Variants in ULK4 observed in about 807,000 individuals in gnomAD.
The protein encoded by ULK4 is inactive serine/threonine-protein kinase ULK4.
In ULK4, 133 loss-of-function variants were observed where a neutral mutation model predicts 160.6. The observed-to-expected ratio is 0.83, with a 90% confidence interval of 0.72 to 0.96. The LOEUF (loss-of-function observed/expected upper bound fraction) is 0.96. ULK4 is among the 40% of genes least tolerant of loss of function. The pLI, the probability that ULK4 is intolerant of heterozygous loss-of-function variation, is 0.00. For synonymous variants in ULK4, 534 were observed against 539.8 expected (o/e 0.99, Z 0.15); for missense variants, 1,580 against 1,499.5 (o/e 1.05, Z -0.89).
intron 27 of ULK4, among the ~76,000 whole-genome samples, chr3:41,683,234 G>A (rs890940070): frequency 6.6e-6 from 1 of 152,012 alleles, no homozygotes; most frequent in South Asian, 2.1e-4. Flanking sequence ...CTGGCCTTAC[G>A]AGACCCAAAC....
intron 32 of ULK4, among the ~76,000 whole-genome samples, chr3:41,539,125 T>C (rs922603641): frequency 2.0e-4 from 30 of 151,696 alleles, no homozygotes; most frequent in African/African-American, 6.8e-4. Context: ...TCATCTGACA[T>C]ATTTATAGAA....
intron 9 of ULK4, among the ~76,000 whole-genome samples, chr3:41,912,145 T>C (rs1216157706): frequency 6.6e-6 from 1 of 151,936 alleles, no homozygotes; most frequent in African/African-American, 2.4e-5. Context: ...CTGGGCAACA[T>C]GGTGAAACCC....
At chr3:41,705,437 C>A in intron 25 of ULK4, 132 bp from the exon 26 acceptor site, 3 of 476,104 alleles carry the variant, frequency 6.3e-6, no homozygotes, top group Admixed American at 3.6e-5. Flanking sequence ...ATACTCTATA[C>A]ATATTATATT....
intron 12 of ULK4, among the ~76,000 whole-genome samples, chr3:41,902,373 T>A (rs1288240754): frequency 6.6e-6 from 1 of 151,450 alleles, no homozygotes; most frequent in Non-Finnish European, 1.5e-5. Flanking sequence ...AGGTCAGGAG[T>A]TCGAGACCAG....
At chr3:41,877,384 A>G (rs1697348701) in intron 17 of ULK4, among the ~76,000 whole-genome samples, 1 of 151,274 alleles carries the variant, frequency 6.6e-6, no homozygotes, top group Non-Finnish European at 1.5e-5. Context: ...CCTAGGCTGG[A>G]GCGCAGTGGT....
intron 30 of ULK4, among the ~76,000 whole-genome samples, chr3:41,662,090 T>A (rs1450885361): frequency 3.3e-5 from 5 of 152,110 alleles, no homozygotes; most frequent in African/African-American, 7.2e-5. Flanking sequence ...AGGAAATATA[T>A]AACTATCTGA....
At chr3:41,303,596 C>T (rs2079840822) in intron 35 of ULK4, among the ~76,000 whole-genome samples, 1 of 152,190 alleles carries the variant, frequency 6.6e-6, no homozygotes, top group Non-Finnish European at 1.5e-5. Flanking sequence ...TGAGTTTCTG[C>T]AGACATGTCC....
At chr3:41,736,784 T>A (rs988131373) in intron 22 of ULK4, among the ~76,000 whole-genome samples, 6 of 151,506 alleles carry the variant, frequency 4.0e-5, no homozygotes, top group African/African-American at 1.5e-4. Flanking sequence ...ATGTCCTGAA[T>A]GGTATTGCCT....
At chr3:41,535,591 G>C (rs555240006) in intron 32 of ULK4, among the ~76,000 whole-genome samples, 38 of 152,350 alleles carry the variant, frequency 2.5e-4, no homozygotes, top group African/African-American at 8.9e-4. Context: ...AAGATTTACA[G>C]TAGACTTCAT....
intron 27 of ULK4, among the ~76,000 whole-genome samples, chr3:41,685,896 C>T (rs2036087119): frequency 6.6e-6 from 1 of 152,060 alleles, no homozygotes; most frequent in South Asian, 2.1e-4. Flanking sequence ...GCCCAAGGAC[C>T]ATGGTCAGTA....
chr3:41,720,785 T>C (rs1176390212), intron 22 of ULK4, among the ~76,000 whole-genome samples: 2 of 152,200 alleles, frequency 1.3e-5, no homozygotes, highest in Non-Finnish European at 2.9e-5. Context: ...TTCATTGCTG[T>C]TGGAAATGTA....
At chr3:41,678,142 C>T (rs141722590) in intron 29 of ULK4, among the ~76,000 whole-genome samples, 391 of 151,350 alleles carry the variant, frequency 2.6e-3, no homozygotes, top group African/African-American at 9.0e-3. Context: ...TCTGTAATCA[C>T]GCGAGCCGGT....
chr3:41,645,694 G>C (rs2034455092), intron 30 of ULK4, among the ~76,000 whole-genome samples: 1 of 152,134 alleles, frequency 6.6e-6, no homozygotes, highest in Middle Eastern at 3.2e-3. Flanking sequence ...GAGTTCTGTA[G>C]ATGTCTATTA....
intron 31 of ULK4, among the ~76,000 whole-genome samples, chr3:41,566,653 T>C (rs1164079307): frequency 3.9e-5 from 6 of 152,212 alleles, no homozygotes; most frequent in Admixed American, 3.9e-4. Context: ...CATCATATAG[T>C]AGGCAGTAAC....
chr3:41,284,771 T>C (rs974810813), intron 35 of ULK4, among the ~76,000 whole-genome samples: 1 of 152,096 alleles, frequency 6.6e-6, no homozygotes, highest in South Asian at 2.1e-4. Context: ...TAAAGAGCTT[T>C]TGAACAGCAA....
intron 17 of ULK4, among the ~76,000 whole-genome samples, chr3:41,842,139 C>CAAAA (rs60925540): frequency 2.9e-5 from 2 of 68,780 alleles, no homozygotes; most frequent in East Asian, 4.1e-4. Flanking sequence ...TCAATAAATA[C>CAAAA]AAAAAAAAAA....
intron 35 of ULK4, among the ~76,000 whole-genome samples, chr3:41,276,400 G>C (rs530822118): frequency 6.6e-6 from 1 of 152,252 alleles, no homozygotes; most frequent in South Asian, 2.1e-4. Flanking sequence ...TCAAAGTTTT[G>C]GACTCTTCCT....
intron 32 of ULK4, among the ~76,000 whole-genome samples, chr3:41,561,360 A>G (rs2087562267): frequency 6.6e-6 from 1 of 152,188 alleles, no homozygotes; most frequent in African/African-American, 2.4e-5. Flanking sequence ...CTTTGGTATC[A>G]GGATGATGCT....
At chr3:41,743,051 G>A (rs921410285) in intron 22 of ULK4, among the ~76,000 whole-genome samples, 1 of 151,730 alleles carries the variant, frequency 6.6e-6, no homozygotes, top group African/African-American at 2.4e-5. Context: ...GACTGAACAA[G>A]TATTCAAAGA....
Sources: gnomAD v4.1 joint callset for allele counts (sites outside exome capture counted in the v4.1 genomes callset) on GRCh38, gnomAD v4.1.1 for gene constraint, MANE v1.5 for transcripts, NCBI Gene and HGNC (gene_info 2026-07-23, HGNC 2026-07-21) for gene names.